The following FMR1 variants were observed in gnomAD, a reference collection of about 807,000 sequenced individuals.
FMR1 encodes fragile X messenger ribonucleoprotein 1.
A neutral mutation model predicts 50.6 loss-of-function variants in FMR1; 13 were observed. The ratio of observed to expected loss-of-function variants is 0.26; its 90% CI spans 0.17 to 0.41. FMR1 has a LOEUF of 0.41. Among genes scored for constraint, FMR1 ranks in the 10% least tolerant of loss-of-function variants. The probability of loss-of-function intolerance (pLI) is 1.00; values close to 1 mark genes in which losing one functional copy is unlikely to be tolerated. For synonymous variants in FMR1, 138 were observed against 164.1 expected, an observed-to-expected ratio of 0.84 and a Z score of 1.22; for missense variants, 316 against 491.3, an observed-to-expected ratio of 0.64 and a Z score of 3.37.
chrX:147,948,553 C>G, intron 16 of FMR1, 130 bp from the exon 17 acceptor site: 2 of 1,146,845 alleles, frequency 1.7e-6, no homozygotes, highest in Non-Finnish European at 2.3e-6. Context: ...TCTTGCACTT[C>G]TTCTGTTCTC....
chrX:147,918,555 C>CTTTTTTTT (rs368581020), intron 1 of FMR1, among the ~76,000 whole-genome samples: 816 of 47,248 alleles, frequency 0.017, 151 homozygotes, highest in African/African-American at 0.057. Flanking sequence ...CCTGCAAAAG[C>CTTTTTTTT]TTTTTTTTTT....
In FMR1 at chrX:147,930,391, A is replaced by G. The variant is rs1261902553; in HGVS notation, c.630+147A>G. 8.0e-6 allele frequency: 4 copies of G among 497,068 alleles called. No homozygotes were observed. The African/African-American group carries it at 9.4e-5, about 12-fold the overall frequency. 41.0% of individuals were successfully genotyped at this position (497,068 alleles called of 1,213,427 possible). ...CTATAGTTGGAAAATTGTACAAAGC[A>G]TAATCATACTAAAGTTTCCATGCCT... On this transcript the variant is annotated intron_variant, in intron 7 of 16. Coordinates refer to ENST00000370475, the MANE Select transcript of FMR1 (RefSeq NM_002024.6).
intron 1 of FMR1, among the ~76,000 whole-genome samples, chrX:147,921,202 C>T (rs1347925601): frequency 9.0e-6 from 1 of 111,716 alleles, no homozygotes; most frequent in East Asian, 2.8e-4. Context: ...CTTTTCTGTA[C>T]CTATTAAAAG....
intron 5 of FMR1, among the ~76,000 whole-genome samples, chrX:147,929,232 G>A (rs1352877274): frequency 1.8e-5 from 2 of 112,066 alleles, no homozygotes; most frequent in Non-Finnish European, 3.8e-5. Context: ...GCTTTAAAAA[G>A]TCATCTCATC....
intron 1 of FMR1, chrX:147,914,369 AAAAGT>A (rs1292926407): frequency 8.9e-6 from 1 of 112,555 alleles, no homozygotes; most frequent in Admixed American, 9.4e-5. Context: ...TGTGAGTTTT[AAAAGT>A]AAAGCAAAAG....
At chrX:147,937,965 A>C in intron 11 of FMR1, 134 bp from the exon 12 acceptor site, 1 of 571,519 alleles carries the variant, frequency 1.7e-6, no homozygotes, top group Non-Finnish European at 3.1e-6. Context: ...TATTTTAGAA[A>C]CTAATTTTCT....
Position 147,949,153 on chromosome X carries a change from G to T in FMR1, c.*309G>T, listed in dbSNP as rs1487714961. ...CTTTGTTAATTTGGACCATTTTCCT[G>T]CATTGGGTGATCATTCACCAGTACA... On this transcript the variant is annotated 3_prime_UTR_variant, in exon 17 of 17. Transcript: ENST00000370475. 3.6e-5 allele frequency: 14 copies of T among 388,062 alleles called. No homozygotes were observed. In the Admixed American group the frequency reaches 4.2e-4, roughly 12 times the overall value. 32.0% of individuals were successfully genotyped at this position (388,062 alleles called of 1,213,427 possible). A position where few individuals can be genotyped will look rare whatever the true frequency, so the allele number is the denominator to read the frequency against.
At chrX:147,916,192 A>G (rs1384531100) in intron 1 of FMR1, among the ~76,000 whole-genome samples, 2 of 112,623 alleles carry the variant, frequency 1.8e-5, no homozygotes, top group East Asian at 5.6e-4. Flanking sequence ...GGGAGCTCAT[A>G]AAACTGAAGT....
At chrX:147,920,158 G>A (rs782557263) in intron 1 of FMR1, among the ~76,000 whole-genome samples, 1 of 112,020 alleles carries the variant, frequency 8.9e-6, no homozygotes, top group Non-Finnish European at 1.9e-5. Flanking sequence ...TTATATTTAG[G>A]TCTTTGATGC....
intron 1 of FMR1, among the ~76,000 whole-genome samples, chrX:147,919,522 A>G (rs1382070967): frequency 4.4e-5 from 5 of 112,648 alleles, no homozygotes; most frequent in Non-Finnish European, 9.4e-5. Flanking sequence ...ATTTAAATAT[A>G]GCTGAGTAAA....
chrX:147,937,361 A>T, intron 10 of FMR1, 105 bp from the exon 11 acceptor site: 1 of 547,128 alleles, frequency 1.8e-6, no homozygotes, highest in Non-Finnish European at 3.2e-6. Context: ...TGTTTATAAT[A>T]ACTTACATTT....
At chrX:147,940,786 G>A (rs932992242) in intron 13 of FMR1, 124 bp downstream of exon 13, 1 of 472,255 alleles carries the variant, frequency 2.1e-6, no homozygotes, top group Non-Finnish European at 3.7e-6. Flanking sequence ...CTTGTCAAAG[G>A]TAATAGAGAA....
At chrX:147,937,800 T>C (rs1228430750) in intron 11 of FMR1, among the ~76,000 whole-genome samples, 200 bp downstream of exon 11, 1 of 112,268 alleles carries the variant, frequency 8.9e-6, no homozygotes, top group Non-Finnish European at 1.9e-5. Context: ...ACAACTCTTA[T>C]GCCATAAACA....
At position 147,930,056 on chromosome X, in the gene FMR1, G is replaced by A. The variant is rs2043537955; in HGVS notation, c.513+15G>A. On this transcript the variant is annotated intron_variant, in intron 6 of 16. Coordinates refer to ENST00000370475, the MANE Select transcript of FMR1 (RefSeq NM_002024.6). ...TTGTCATTTTGGTGAGCATTTTTGAGTTGTTTATTTTTAGTTTAATTCATC... is the reference window on the plus strand; with the variant it reads ...TTGTCATTTTGGTGAGCATTTTTGAATTGTTTATTTTTAGTTTAATTCATC... The A allele has an allele frequency of 3.4e-6, 4 of 1,174,225 alleles. No homozygotes were observed. The highest frequency in any genetic ancestry group is 4.6e-6 in the Non-Finnish European group (4 of 861,629).
chrX:147,949,785 C>CTT lies in FMR1; in HGVS notation c.*951_*952dup, dbSNP rs782514950. Reference sequence around the variant, plus strand: ...CCTGATGACCAATTTTAACTTAGAGCTTTTTTTTTTTAATTTTGTCTGCCC... The same window carrying CTT: ...CCTGATGACCAATTTTAACTTAGAGCTTTTTTTTTTTTTAATTTTGTCTGCCC... On this transcript the variant is annotated 3_prime_UTR_variant, in exon 17 of 17. Transcript: ENST00000370475. The CTT allele has an allele frequency of 7.1e-6, 2 of 280,075 alleles. No individual in the cohort carries two copies. The highest frequency in any genetic ancestry group is 5.9e-5 in the African/African-American group (2 of 33,964). The allele number at this position is 280,075 out of a possible 1,213,427, so 23.1% of individuals were successfully genotyped here.
At chrX:147,936,673 A>G (rs2124537724) in intron 10 of FMR1, 60 bp downstream of exon 10, 3 of 682,157 alleles carry the variant, frequency 4.4e-6, no homozygotes, top group East Asian at 3.4e-5. Flanking sequence ...TTTTTATGTG[A>G]TATGTTGAGG....
chrX:147,916,041 G>T (rs1363532258), intron 1 of FMR1, among the ~76,000 whole-genome samples: 1 of 112,272 alleles, frequency 8.9e-6, no homozygotes, highest in Non-Finnish European at 1.9e-5. Context: ...AAGCCATCAT[G>T]AAATAATTCA....
chrX:147,916,064 G>C (rs1466801290), intron 1 of FMR1, among the ~76,000 whole-genome samples: 5 of 112,107 alleles, frequency 4.5e-5, no homozygotes, highest in African/African-American at 1.6e-4. Context: ...TTATGTGCCA[G>C]CTTTTTTTGT....
At position 147,933,647 on chromosome X, in the gene FMR1, CAT is replaced by C. The variant is rs2124525897; in HGVS notation, c.880+887_880+888del. 8 of 830,125 alleles carry C rather than the reference CAT, an allele frequency of 9.6e-6. No individual in the cohort carries two copies. In the South Asian group the frequency reaches 3.9e-4, roughly 41 times the overall value. 68.4% of individuals were successfully genotyped at this position (830,125 alleles called of 1,213,427 possible). ...AGGTGCAGTTTTATCAAGAAAGCTACATATGTTTTTAATTTGTAAATAAAATT... is the reference window on the plus strand; with the variant it reads ...AGGTGCAGTTTTATCAAGAAAGCTACATGTTTTTAATTTGTAAATAAAATT... On this transcript the variant is annotated intron_variant, in intron 9 of 16. Coordinates refer to ENST00000370475, the MANE Select transcript of FMR1 (RefSeq NM_002024.6).
Sources: gnomAD v4.1 joint callset for allele counts (sites outside exome capture counted in the v4.1 genomes callset) on GRCh38, gnomAD v4.1.1 for gene constraint, MANE v1.5 for transcripts, NCBI Gene and HGNC (gene_info 2026-07-23, HGNC 2026-07-21) for gene names.